The following SEC24B variants were observed in gnomAD, a reference collection of about 807,000 sequenced individuals.
SEC24B encodes the protein SEC24 homolog B, COPII component.
SEC24B carries 45 observed loss-of-function variants against 142.8 expected under a neutral mutation model. The observed-to-expected ratio is 0.32, with a 90% CI of 0.25 to 0.40. The LOEUF (loss-of-function observed/expected upper bound fraction) is 0.40. Among genes scored for constraint, SEC24B ranks in the 10% least tolerant of loss-of-function variants. The pLI is 1.00. For missense variants in SEC24B, 1,409 were observed against 1,526.8 expected (o/e 0.92, Z 1.29); for synonymous variants, 574 against 568.2 (o/e 1.01, Z -0.15).
chr4:109,503,197 C>CT (rs1295333642), intron 6 of SEC24B, among the ~76,000 whole-genome samples: 1 of 147,126 alleles, frequency 6.8e-6, no homozygotes, highest in East Asian at 2.0e-4. Context: ...GTAGCTGGGA[C>CT]TACAGGCATG....
At chr4:109,507,910 G>A (rs552890280) in intron 7 of SEC24B, among the ~76,000 whole-genome samples, 4 of 152,274 alleles carry the variant, frequency 2.6e-5, no homozygotes, top group Admixed American at 1.3e-4. Flanking sequence ...CTCCCAAAGT[G>A]CTGGCATTAC....
chr4:109,513,030 A>AGT, intron 9 of SEC24B, among the ~76,000 whole-genome samples: 1 of 142,002 alleles, frequency 7.0e-6, no homozygotes, highest in Non-Finnish European at 1.5e-5. Flanking sequence ...GTTGGAGTGC[A>AGT]GTGGTGCGAT....
rs1160102165 is a variant in SEC24B at position 109,494,728 on chromosome 4, A to G, written c.1360A>G (p.Lys454Glu). 6 of 1,614,072 alleles carry G rather than the reference A, an allele frequency of 3.7e-6. No individual in the cohort carries two copies. The highest frequency in any genetic ancestry group is 5.1e-6 in the Non-Finnish European group (6 of 1,180,044). The change falls in exon 6 of 24, where the codon AAA (lysine) becomes GAA (glutamate). Residue 454 changes from lysine (K) to glutamate (E), a missense_variant. This residue lies in a region of SEC24B where 709 missense variants were observed against 673.5 expected (regional missense o/e 1.05). Transcript: ENST00000265175. ...AGCTCCTGTCGTCCCTCAGCCTTCA[A>G]AAATGGCTAAGCCTTTTGGCTATGG... ...APAPVVPQPS[K>E]MAKPFGYGYP...
chr4:109,443,965 G>A (rs1267230771), intron 1 of SEC24B, among the ~76,000 whole-genome samples: 3 of 152,138 alleles, frequency 2.0e-5, no homozygotes, highest in East Asian at 3.9e-4. Context: ...GCTCATGCCT[G>A]TAATCCCAGC....
intron 18 of SEC24B, among the ~76,000 whole-genome samples, chr4:109,529,050 C>A (rs1313095974): frequency 1.3e-5 from 2 of 151,958 alleles, no homozygotes; most frequent in East Asian, 3.9e-4. Context: ...GTGGTCCCAG[C>A]TACTCAGGAG....
At chr4:109,502,019 T>C (rs1195537678) in intron 6 of SEC24B, among the ~76,000 whole-genome samples, 1 of 152,072 alleles carries the variant, frequency 6.6e-6, no homozygotes, top group Non-Finnish European at 1.5e-5. Context: ...GTTTCTGGGG[T>C]GAAAATGTGG....
rs754458750 is a variant in SEC24B, at chr4:109,481,633, T to C, written c.1061-44T>C. 3 of 1,351,814 alleles carry C rather than the reference T, an allele frequency of 2.2e-6. No individual in the cohort carries two copies. The Admixed American group carries it at 6.1e-5, about 27-fold the overall frequency. The allele number at this position is 1,351,814 out of a possible 1,614,324, so 83.7% of individuals were successfully genotyped here. On this transcript the variant is annotated intron_variant, in intron 3 of 23. Coordinates refer to ENST00000265175, the MANE Select transcript of SEC24B (RefSeq NM_006323.5). ...AATGTCAAATTTTTATTTCTCATCTTTCCTGTTGGTTTGACTCTTATGTTT... is the reference window on the plus strand; with the variant it reads ...AATGTCAAATTTTTATTTCTCATCTCTCCTGTTGGTTTGACTCTTATGTTT...
rs769633827 is a variant in SEC24B at position 109,462,854 on chromosome 4, A to G, written c.134-47A>G. The G allele has an allele frequency of 8.4e-6, 12 of 1,420,236 alleles. No homozygotes were observed. The South Asian group carries it at 1.6e-4, about 19-fold the overall frequency. 88.0% of individuals were successfully genotyped at this position (1,420,236 alleles called of 1,614,324 possible). On this transcript the variant is annotated intron_variant, in intron 1 of 23. Coordinates refer to ENST00000265175, the MANE Select transcript of SEC24B (RefSeq NM_006323.5). The stretch of plus-strand genomic sequence containing the variant: ...ATATTTAAATGGGGGCTATTTTTAA[A>G]AATTAGTTATCTCTTTACAAATACC...
At chr4:109,476,636 T>TG (rs1329883398) in intron 3 of SEC24B, among the ~76,000 whole-genome samples, 2 of 152,266 alleles carry the variant, frequency 1.3e-5, no homozygotes. Context: ...CTGAGTTACA[T>TG]GTCAGAAATT....
intron 3 of SEC24B, among the ~76,000 whole-genome samples, chr4:109,473,792 T>C (rs1452048445): frequency 6.6e-6 from 1 of 152,242 alleles, no homozygotes; most frequent in Non-Finnish European, 1.5e-5. Flanking sequence ...GTTTTTGTTT[T>C]TGTTTTTCCT....
intron 1 of SEC24B, among the ~76,000 whole-genome samples, chr4:109,455,074 A>T (rs1351824702): frequency 2.0e-5 from 3 of 152,158 alleles, no homozygotes; most frequent in Admixed American, 1.3e-4. Context: ...CGTTAAATAA[A>T]TTTGTATGTC....
At chr4:109,512,224 G>A (rs771163874) in intron 9 of SEC24B, 141 bp downstream of exon 9, 5 of 735,374 alleles carry the variant, frequency 6.8e-6, no homozygotes, top group Non-Finnish European at 8.7e-6. Context: ...ATAGGCTAAG[G>A]CTAGGACTAG....
intron 20 of SEC24B, 52 bp downstream of exon 20, chr4:109,531,574 C>T (rs748810324): frequency 1.0e-5 from 14 of 1,362,350 alleles, no homozygotes; most frequent in African/African-American, 1.4e-5. Context: ...ATTTGAGTGT[C>T]TTGTTCTACA....
chr4:109,462,619 C>G (rs13128221), intron 1 of SEC24B, among the ~76,000 whole-genome samples: 26,097 of 152,076 alleles, frequency 0.17, 2,592 homozygotes, highest in African/African-American at 0.27. Context: ...ACTGGGCTAA[C>G]ATGGAAGTGA....
intron 6 of SEC24B, among the ~76,000 whole-genome samples, chr4:109,496,681 T>C (rs1735575435): frequency 6.6e-6 from 1 of 152,140 alleles, no homozygotes; most frequent in African/African-American, 2.4e-5. Flanking sequence ...AAATTATTTG[T>C]TTCTGGAATT....
In SEC24B at chr4:109,513,787, T is replaced by C. The variant is rs35578772; in HGVS notation, c.1944T>C (p.Tyr648=). ...TGTATAACCCCCTTACCCGATCTTATGGAGAGCCTCATAAACGACCAGAAG... is the reference window on the plus strand; with the variant it reads ...TGTATAACCCCCTTACCCGATCTTACGGAGAGCCTCATAAACGACCAGAAG... The part of the protein sequence containing the change: ...EFMYNPLTRS[Y]GEPHKRPEVQ... Residue 648 remains tyrosine (Y), a synonymous_variant, in exon 10 of 24, where the codon TAT becomes TAC. Transcript: ENST00000265175. The C allele has an allele frequency of 1.6e-3, 2,662 of 1,613,380 alleles. 52 individuals are homozygous for C. In the African/African-American group the frequency reaches 0.031, roughly 19 times the overall value.
intron 18 of SEC24B, among the ~76,000 whole-genome samples, chr4:109,529,300 A>T (rs1308028461): frequency 6.6e-6 from 1 of 152,198 alleles, no homozygotes; most frequent in Admixed American, 6.5e-5. Context: ...CACGTTCGTT[A>T]TGATGGAATC....
chr4:109,496,423 A>G (rs552473143), intron 6 of SEC24B, among the ~76,000 whole-genome samples: 5 of 152,154 alleles, frequency 3.3e-5, no homozygotes, highest in Non-Finnish European at 7.4e-5. Context: ...CCAGGAAACA[A>G]TTTTAATGAC....
intron 1 of SEC24B, among the ~76,000 whole-genome samples, chr4:109,439,474 A>ACTTTTTTTTTTTTTTTT: frequency 2.3e-5 from 1 of 43,972 alleles, no homozygotes; most frequent in South Asian, 8.1e-4. Flanking sequence ...TCCTAAGCTG[A>ACTTTTTTTTTTTTTTTT]TTTTTTTTTT....
Sources: gnomAD v4.1 joint callset for allele counts (sites outside exome capture counted in the v4.1 genomes callset) on GRCh38, gnomAD v4.1.1 for gene constraint, gnomAD v4.1.1 regional missense constraint, MANE v1.5 for transcripts, NCBI Gene and HGNC (gene_info 2026-07-23, HGNC 2026-07-21) for gene names.